MIPEP: variants seen among roughly 807,000 people sequenced by gnomAD.
MIPEP encodes mitochondrial intermediate peptidase.
MIPEP carries 79 observed loss-of-function variants against 90.3 expected under a neutral mutation model. The ratio of observed to expected loss-of-function variants is 0.87; its 90% confidence interval spans 0.73 to 1.05. MIPEP has a LOEUF of 1.05. MIPEP is among the 50% of genes least tolerant of loss of function. The pLI, the probability that MIPEP is intolerant of heterozygous loss-of-function variation, is 0.00. For synonymous variants in MIPEP, 334 were observed against 315.8 expected, an observed-to-expected ratio of 1.06 and a Z score of -0.61; for missense variants, 940 against 905.6, an observed-to-expected ratio of 1.04 and a Z score of -0.49.
At chr13:23,885,594 A>T (rs1418375365) in intron 2 of MIPEP, among the ~76,000 whole-genome samples, 9 of 147,178 alleles carry the variant, frequency 6.1e-5, no homozygotes, top group Non-Finnish European at 1.0e-4. Context: ...AATTAAAAAT[A>T]AAAAAAAAAG....
In MIPEP at chr13:23,780,059, A is replaced by T. The variant is rs902160719; in HGVS notation, c.1849-19842T>A. 2.6e-5 allele frequency among the ~76,000 whole-genome samples: 4 copies of T among 152,244 alleles called. No individual in the cohort carries two copies. The East Asian group carries it at 7.7e-4, about 29-fold the overall frequency. On this transcript the variant is annotated intron_variant, in intron 16 of 18. Transcript: ENST00000382172. ...CATTGCCAAACAAAAGGCAGCAGAA[A>T]CCTCTGCAGACTTAAATGTCCCTGT...
At chr13:23,869,205 G>T in intron 7 of MIPEP, 87 bp downstream of exon 7, 1 of 1,225,916 alleles carries the variant, frequency 8.2e-7, no homozygotes, top group Non-Finnish European at 1.1e-6. Flanking sequence ...ATTAAAAATA[G>T]AACACTAATT....
chr13:23,881,505 A>G lies in MIPEP; in HGVS notation c.452+194T>C, dbSNP rs4067951. On this transcript the variant is annotated intron_variant, in intron 3 of 18. Coordinates refer to ENST00000382172, the MANE Select transcript of MIPEP (RefSeq NM_005932.4). ...ACTGAGAGAACAGACAACCAGCCCT[A>G]AGGCCCAGTGCCTGCCTGCGAGGTG... 2.8e-3 allele frequency among the ~76,000 whole-genome samples: 428 copies of G among 152,328 alleles called. 5 individuals are homozygous for G. Among genetic ancestry groups the G allele is most frequent in the African/African-American group, 9.5e-3 (395 of 41,582 alleles).
At chr13:23,870,260 A>G (rs139994028) in intron 5 of MIPEP, 65 bp from the exon 6 acceptor site, 1 of 1,083,722 alleles carries the variant, frequency 9.2e-7, no homozygotes, top group Non-Finnish European at 1.3e-6. Flanking sequence ...AATTTAATAA[A>G]CAAAATATAA....
In MIPEP at chr13:23,870,008, C is replaced by T; in HGVS notation, c.786+5G>A. 4 of 1,581,192 alleles carry T rather than the reference C, an allele frequency of 2.5e-6. No homozygotes were observed. Among genetic ancestry groups the T allele is most frequent in the Non-Finnish European group, 3.4e-6 (4 of 1,162,474 alleles). ...TAAACAACAAAGAGAATGAAACATA[C>T]ATACCAAGTCATCTGGTGATTCTGC... is the stretch of plus-strand genomic sequence containing the variant. On this transcript the variant is annotated splice_donor_5th_base_variant and intron_variant, in intron 6 of 18. Coordinates refer to ENST00000382172, the MANE Select transcript of MIPEP (RefSeq NM_005932.4).
chr13:23,867,801 C>T (rs1870607575), intron 7 of MIPEP, among the ~76,000 whole-genome samples: 1 of 152,136 alleles, frequency 6.6e-6, no homozygotes, highest in African/African-American at 2.4e-5. Context: ...AGTTCTGCCA[C>T]ATTTTAGCAA....
At chr13:23,766,820 C>G (rs894130676) in intron 16 of MIPEP, among the ~76,000 whole-genome samples, 2 of 152,264 alleles carry the variant, frequency 1.3e-5, no homozygotes, top group African/African-American at 4.8e-5. Flanking sequence ...TTTGTGGAAT[C>G]CCCTGCCTTA....
chr13:23,769,216 C>T (rs1400484690), intron 16 of MIPEP, among the ~76,000 whole-genome samples: 1 of 152,170 alleles, frequency 6.6e-6, no homozygotes, highest in African/African-American at 2.4e-5. Context: ...GGAGAGTCAG[C>T]CCAGGACAGC....
intron 16 of MIPEP, among the ~76,000 whole-genome samples, chr13:23,778,780 G>A (rs2061605203): frequency 6.6e-6 from 1 of 151,998 alleles, no homozygotes; most frequent in South Asian, 2.1e-4. Flanking sequence ...TGGGCTAAGT[G>A]CTTTGATCAT....
At chr13:23,843,728 T>C (rs900292891) in intron 10 of MIPEP, among the ~76,000 whole-genome samples, 5 of 152,118 alleles carry the variant, frequency 3.3e-5, no homozygotes, top group African/African-American at 4.8e-5. Context: ...AGGACAGACT[T>C]CCAGGCTTCA....
At chr13:23,806,920 T>C (rs886782234) in intron 15 of MIPEP, among the ~76,000 whole-genome samples, 1 of 152,084 alleles carries the variant, frequency 6.6e-6, no homozygotes, top group Non-Finnish European at 1.5e-5. Flanking sequence ...GAAAATTAAA[T>C]AGGTGTGGTG....
chr13:23,817,440 T>C (rs74038781), intron 14 of MIPEP, among the ~76,000 whole-genome samples: 1 of 152,044 alleles, frequency 6.6e-6, no homozygotes, highest in Non-Finnish European at 1.5e-5. Context: ...CTCCCTCCAC[T>C]CCCTCATTCC....
chr13:23,782,884 C>T (rs1952795294), intron 16 of MIPEP, among the ~76,000 whole-genome samples: 1 of 152,168 alleles, frequency 6.6e-6, no homozygotes, highest in Admixed American at 6.5e-5. Context: ...TTGACACATA[C>T]ACTCTCCCAA....
At chr13:23,885,577 C>T (rs994750599) in intron 2 of MIPEP, among the ~76,000 whole-genome samples, 2 of 151,288 alleles carry the variant, frequency 1.3e-5, no homozygotes, top group African/African-American at 2.4e-5. Flanking sequence ...ATACATGTAC[C>T]CACAAAAATT....
rs558528529 is a variant in MIPEP, at chr13:23,787,893, C to A, written c.1848+18057G>T. ...AGCCCAAGTTAAGTTTAGTCCTGAT[C>A]CTCCACCTCAGCTGCACTCTTCAGG... On this transcript the variant is annotated intron_variant, in intron 16 of 18. Transcript: ENST00000382172. 3.3e-5 allele frequency among the ~76,000 whole-genome samples: 5 copies of A among 152,266 alleles called. 1 individual carries two copies. In the South Asian group the frequency reaches 1.0e-3, roughly 32 times the overall value.
chr13:23,806,680 A>C (rs1200485793), intron 15 of MIPEP, among the ~76,000 whole-genome samples: 1 of 151,792 alleles, frequency 6.6e-6, no homozygotes, highest in Non-Finnish European at 1.5e-5. Flanking sequence ...AAAAAAAAAA[A>C]CCAAACAAAA....
chr13:23,847,304 T>C (rs1742971434), intron 10 of MIPEP, among the ~76,000 whole-genome samples: 1 of 152,014 alleles, frequency 6.6e-6, no homozygotes. Context: ...GAACAAAGAT[T>C]GAGAACGATC....
chr13:23,771,593 C>T (rs1952652412), intron 16 of MIPEP, among the ~76,000 whole-genome samples: 1 of 148,596 alleles, frequency 6.7e-6, no homozygotes, highest in Admixed American at 6.7e-5. Flanking sequence ...AGTGACAAAA[C>T]AAAATTAAAA....
chr13:23,849,756 T>C (rs1033018514), intron 10 of MIPEP, among the ~76,000 whole-genome samples: 2 of 152,210 alleles, frequency 1.3e-5, no homozygotes, highest in African/African-American at 2.4e-5. Flanking sequence ...AGAAGAGACT[T>C]TCAACTGAAG....
Sources: gnomAD v4.1 joint callset for allele counts (sites outside exome capture counted in the v4.1 genomes callset) on GRCh38, gnomAD v4.1.1 for gene constraint, MANE v1.5 for transcripts, NCBI Gene and HGNC (gene_info 2026-07-23, HGNC 2026-07-21) for gene names.